The following FAM170A variants were observed in gnomAD, a reference collection of about 807,000 sequenced individuals.
The protein encoded by FAM170A is family with sequence similarity 170 member A.
A neutral mutation model predicts 36.6 loss-of-function variants in FAM170A; 28 were observed. The observed-to-expected ratio is 0.76, with a 90% CI of 0.57 to 1.05. The LOEUF (loss-of-function observed/expected upper bound fraction) is 1.05, where lower values mean the gene tolerates loss of function less well. FAM170A is among the 50% of genes least tolerant of loss of function. The pLI is 0.00. For synonymous variants in FAM170A, 156 were observed against 143.9 expected, an observed-to-expected ratio of 1.08 and a Z score of -0.60; for missense variants, 434 against 396.5, an observed-to-expected ratio of 1.09 and a Z score of -0.80.
chr5:119,635,530 A>G (rs879296174), intron 4 of FAM170A, among the ~76,000 whole-genome samples, 170 bp from the exon 5 acceptor site: 1 of 152,222 alleles, frequency 6.6e-6, no homozygotes, highest in Non-Finnish European at 1.5e-5. Context: ...CACCAAGAGA[A>G]CTGGAAATGT....
exon 3 of FAM170A, chr5:119,634,054 C>G: frequency 6.2e-7 from 1 of 1,614,202 alleles, no homozygotes; most frequent in African/African-American, 1.3e-5. Flanking sequence ...CACAACATGT[C>G]TCCTTGTCGT....
In FAM170A at chr5:119,634,618, G is replaced by A. The variant is rs748002258; in HGVS notation, c.870G>A (p.Glu290=). The A allele has an allele frequency of 1.9e-6, 3 of 1,612,454 alleles. No individual in the cohort carries two copies. The South Asian group carries it at 3.3e-5, about 18-fold the overall frequency. The change falls in exon 3 of 5, where the codon GAG becomes GAA. Residue 290 remains glutamate (E), a synonymous_variant. Coordinates refer to ENST00000613773, the Ensembl canonical transcript of FAM170A. ...AGGAAAATGGAAATGAGAAGGAGGAGGAAGAGAAACCAGAAGCAAAGGAGG... is the reference window on the plus strand; with the variant it reads ...AGGAAAATGGAAATGAGAAGGAGGAAGAAGAGAAACCAGAAGCAAAGGAGG...
chr5:119,634,400 C>A (rs967982698), exon 3 of FAM170A: 1 of 1,614,258 alleles, frequency 6.2e-7, no homozygotes, highest in Admixed American at 1.7e-5. Context: ...AGCCAAGACT[C>A]CTGACTGGCT....
chr5:119,634,524 T>A lies in FAM170A; in HGVS notation c.776T>A (p.Val259Asp), dbSNP rs202131260. 1,043 of 1,613,444 alleles carry A rather than the reference T, an allele frequency of 6.5e-4. 8 individuals are homozygous for A. The highest frequency in any genetic ancestry group is 1.1e-4 in the Non-Finnish European group (124 of 1,179,570). Residue 259 changes from valine (V) to aspartate (D), a missense_variant, in exon 3 of 5, where the codon GTC (valine) becomes GAC (aspartate). By Grantham distance (152) the Val-to-Asp change is radical (BLOSUM62 -3). Transcript: ENST00000613773. Reference sequence around the variant, plus strand: ...ATCAGAGAGGGCTTCAGCTGCCACGTCTTTCATCTCACCATGGCTCAGCTG... The same window carrying A: ...ATCAGAGAGGGCTTCAGCTGCCACGACTTTCATCTCACCATGGCTCAGCTG...
intron 3 of FAM170A, 86 bp downstream of exon 3, chr5:119,634,820 C>A: frequency 1.4e-6 from 2 of 1,409,894 alleles, no homozygotes; most frequent in Non-Finnish European, 1.9e-6. Flanking sequence ...GCTTAGGTCT[C>A]TGTAAGGAAG....
intron 1 of FAM170A, among the ~76,000 whole-genome samples, chr5:119,630,528 G>A (rs192309822): frequency 6.6e-6 from 1 of 152,192 alleles, no homozygotes; most frequent in East Asian, 1.9e-4. Context: ...TATGCAGTAG[G>A]GAGGGGAAGA....
At chr5:119,630,321 A>ATTTTT (rs10603530) in intron 1 of FAM170A, among the ~76,000 whole-genome samples, 35 of 118,364 alleles carry the variant, frequency 3.0e-4, no homozygotes, top group African/African-American at 8.6e-4. Context: ...CGCCTGGCTA[A>ATTTTT]TTTTTTTTTT....
exon 3 of FAM170A, chr5:119,634,107 A>C: frequency 6.2e-7 from 1 of 1,614,190 alleles, no homozygotes; most frequent in Non-Finnish European, 8.5e-7. Flanking sequence ...CTGTGTGTAA[A>C]CAAAGAGGAA....
At chr5:119,629,870 G>A (rs1340089064) in intron 1 of FAM170A, 32 bp downstream of exon 1, 5 of 1,547,730 alleles carry the variant, frequency 3.2e-6, no homozygotes, top group Admixed American at 1.7e-5. Context: ...TGGGGCACAA[G>A]CGTCACTGGC....
rs751269432 is a variant in FAM170A at position 119,635,011 on chromosome 5, G to A, written c.987-20G>A. 1 of 1,613,938 alleles carries A rather than the reference G, an allele frequency of 6.2e-7. No homozygotes were observed. Among genetic ancestry groups the A allele is most frequent in the Non-Finnish European group, 8.5e-7 (1 of 1,179,940 alleles). On this transcript the variant is annotated intron_variant, in intron 3 of 4. Transcript: ENST00000613773. ...ATTAACTAAGAAGTGTCTTTCTTTG[G>A]TTTGATTTTCACACAGCAGCTGAGA...
At chr5:119,634,003 C>T in exon 3 of FAM170A, 1 of 1,614,118 alleles carries the variant, frequency 6.2e-7, no homozygotes, top group Non-Finnish European at 8.5e-7. Flanking sequence ...CTCAATCACC[C>T]CTGGCCCAGG....
chr5:119,632,277 T>C (rs145268007), intron 1 of FAM170A, among the ~76,000 whole-genome samples: 1 of 152,212 alleles, frequency 6.6e-6, no homozygotes, highest in East Asian at 1.9e-4. Context: ...CCTAGAAGAG[T>C]GGACTGGTGT....
At chr5:119,634,588 G>A (rs749455398) in exon 3 of FAM170A, 1 of 1,613,556 alleles carries the variant, frequency 6.2e-7, no homozygotes, top group Non-Finnish European at 8.5e-7. Flanking sequence ...AAGATGAGCA[G>A]GAGGAGGAAA....
At chr5:119,629,979 C>G in intron 1 of FAM170A, 141 bp downstream of exon 1, 2 of 588,848 alleles carry the variant, frequency 3.4e-6, no homozygotes, top group Non-Finnish European at 6.0e-6. Flanking sequence ...GAAAGCTCTG[C>G]CTCTCGGGTT....
rs543715585 is a variant in FAM170A, at chr5:119,634,795, G to A, written c.986+61G>A. 442 of 1,473,964 alleles carry A rather than the reference G, an allele frequency of 3.0e-4. No homozygotes were observed. The African/African-American group carries it at 5.8e-3, about 19-fold the overall frequency. 91.3% of individuals were successfully genotyped at this position (1,473,964 alleles called of 1,614,324 possible). ...GCAATGGCTTCCCCGAGCCAGTACT[G>A]TCTCCCCAGTTCAGGCTTAGGTCTC... On this transcript the variant is annotated intron_variant, in intron 3 of 4. Transcript: ENST00000613773.
exon 1 of FAM170A, chr5:119,629,616 G>T (rs999663600): frequency 3.4e-6 from 2 of 586,212 alleles, no homozygotes; most frequent in Non-Finnish European, 6.2e-6. Context: ...TTCACTAAGC[G>T]GTCTGAGTTC....
chr5:119,634,007 GC>G lies in FAM170A; in HGVS notation c.262del (p.Gln88ArgfsTer32). 6.2e-7 allele frequency: 1 copy of G among 1,614,004 alleles called. No individual in the cohort carries two copies. Among genetic ancestry groups the G allele is most frequent in the Non-Finnish European group, 8.5e-7 (1 of 1,180,000 alleles). On this transcript the variant is annotated frameshift_variant, in exon 3 of 5. Coordinates refer to ENST00000613773, the Ensembl canonical transcript of FAM170A. LOFTEE classifies it high-confidence loss of function. ...CAGCCCCCAGCCTCAATCACCCCTG[GC>G]CCAGGTTCAGGAACGAGGAGAGACT...
exon 3 of FAM170A, chr5:119,634,537 C>T: frequency 2.5e-6 from 4 of 1,613,430 alleles, no homozygotes; most frequent in Non-Finnish European, 2.5e-6. Context: ...TTCATCTCAC[C>T]ATGGCTCAGC....
intron 2 of FAM170A, among the ~76,000 whole-genome samples, chr5:119,633,719 C>T (rs916556547): frequency 2.6e-5 from 4 of 152,112 alleles, no homozygotes; most frequent in Non-Finnish European, 5.9e-5. Context: ...CGACATTCCA[C>T]ATATGCTGCA....
Sources: allele counts gnomAD v4.1 joint callset (sites outside exome capture counted in the v4.1 genomes callset), GRCh38; gene constraint gnomAD v4.1.1; transcripts MANE v1.5; gene names NCBI Gene and HGNC (gene_info 2026-07-23, HGNC 2026-07-21).